NALCN: variants seen among roughly 807,000 people sequenced by gnomAD.
The protein encoded by NALCN is sodium leak channel NALCN.
NALCN carries 111 observed loss-of-function variants against 225.3 expected under a neutral mutation model. The ratio of observed to expected loss-of-function variants is 0.49; its 90% CI spans 0.42 to 0.58. NALCN has a LOEUF of 0.58. Ranked by LOEUF, NALCN falls within the 20% of genes least tolerant of loss-of-function variation. The pLI is 0.00. For synonymous variants in NALCN, 764 were observed against 769.0 expected (o/e 0.99, Z 0.11); for missense variants, 1,378 against 2,202.4 (o/e 0.63, Z 7.49).
intron 6 of NALCN, among the ~76,000 whole-genome samples, chr13:101,369,956 G>T (rs2046491536): frequency 6.6e-6 from 1 of 151,822 alleles, no homozygotes. Context: ...CTATTTTTTA[G>T]CCATTTCTCC....
intron 14 of NALCN, among the ~76,000 whole-genome samples, chr13:101,179,421 C>A (rs1284286020): frequency 1.3e-5 from 2 of 152,040 alleles, no homozygotes; most frequent in Non-Finnish European, 2.9e-5. Context: ...AAATAAATTT[C>A]TTGGTTTTTC....
intron 10 of NALCN, among the ~76,000 whole-genome samples, chr13:101,259,486 A>T (rs1027384464): frequency 1.3e-5 from 2 of 151,482 alleles, no homozygotes; most frequent in African/African-American, 4.8e-5. Flanking sequence ...GGCGCCCGCC[A>T]CCACGTCTGG....
Position 101,104,549 on chromosome 13 carries a change from A to C in NALCN, c.2738T>G (p.Met913Arg), listed in dbSNP as rs373808065. 5.0e-6 allele frequency: 8 copies of C among 1,613,958 alleles called. No homozygotes were observed. In the African/African-American group the frequency reaches 1.1e-4, roughly 22 times the overall value. The change falls in exon 24 of 44, where the codon ATG becomes AGG. Residue 913 changes from methionine to arginine, a missense_variant. Coordinates refer to ENST00000251127, the MANE Select transcript of NALCN (RefSeq NM_052867.4). The surrounding 1 kb of genome is among the most constrained non-coding windows in gnomAD (Gnocchi z 4.2). Reference protein sequence around the residue: ...MMFESPFRRVMHAPTLQIAEY... With the variant: ...MMFESPFRRVRHAPTLQIAEY... ...CGGTACCTGCAAAGTAGGTGCATGCATGACTCTTCGAAACGGGGACTCAAA... is the reference window on the plus strand; with the variant it reads ...CGGTACCTGCAAAGTAGGTGCATGCCTGACTCTTCGAAACGGGGACTCAAA...
intron 22 of NALCN, 126 bp from the exon 23 acceptor site, chr13:101,105,076 T>G (rs181823952): frequency 6.8e-5 from 49 of 722,096 alleles, no homozygotes; most frequent in Admixed American, 5.2e-4. Flanking sequence ...ATGTCCATTA[T>G]AAAATATGTT....
At chr13:101,331,684 C>T (rs935903140) in intron 7 of NALCN, among the ~76,000 whole-genome samples, 1 of 152,078 alleles carries the variant, frequency 6.6e-6, no homozygotes, top group Non-Finnish European at 1.5e-5. Flanking sequence ...AAAGAACAAA[C>T]ACAAAAAACT....
chr13:101,071,541 C>T lies in NALCN; in HGVS notation c.4197+2043G>A, dbSNP rs974890868. Reference sequence around the variant, plus strand: ...TGCTAGCGTCAAACATTTTTTTCTACAGCGTCCTCACCTCTCTCACCCTTC... The same window carrying T: ...TGCTAGCGTCAAACATTTTTTTCTATAGCGTCCTCACCTCTCTCACCCTTC... On this transcript the variant is annotated intron_variant, in intron 37 of 43. Transcript: ENST00000251127. 2.6e-5 allele frequency among the ~76,000 whole-genome samples: 4 copies of T among 152,176 alleles called. No individual in the cohort carries two copies. The South Asian group carries it at 6.2e-4, about 24-fold the overall frequency.
chr13:101,346,087 C>CTCTCTCTCTCTCTCTCTA lies in NALCN; in HGVS notation c.645-668_645-667insTAGAGAGAGAGAGAGAGA. Among the ~76,000 whole-genome samples, 137 of 70,944 alleles carry CTCTCTCTCTCTCTCTCTA rather than the reference C, an allele frequency of 1.9e-3. 2 individuals are homozygous for CTCTCTCTCTCTCTCTCTA. Among genetic ancestry groups the CTCTCTCTCTCTCTCTCTA allele is most frequent in the Admixed American group, 2.7e-3 (14 of 5,110 alleles). The allele number at this position is 70,944 out of a possible 152,430, so 46.5% of individuals were successfully genotyped here. A position where few individuals can be genotyped will look rare whatever the true frequency, so the allele number is the denominator to read the frequency against. ...TCTCTCTCTCTCTCTCTCTCTCTCT[C>CTCTCTCTCTCTCTCTCTA]TATATATATATATATATATATATAT... On this transcript the variant is annotated intron_variant, in intron 6 of 43. Transcript: ENST00000251127.
chr13:101,156,006 A>T (rs1371556005), intron 15 of NALCN, among the ~76,000 whole-genome samples: 2 of 151,988 alleles, frequency 1.3e-5, no homozygotes, highest in African/African-American at 4.8e-5. Flanking sequence ...TTATTTATTT[A>T]TTCAATCATG....
chr13:101,096,506 C>T (rs1358505670), intron 27 of NALCN, among the ~76,000 whole-genome samples: 1 of 152,038 alleles, frequency 6.6e-6, no homozygotes, highest in Non-Finnish European at 1.5e-5. Context: ...ATATAGAAGT[C>T]CAGAACAGTG....
rs1033351109 is a variant in NALCN at position 101,214,747 on chromosome 13, A to G, written c.1626+14646T>C. ...TGTGTCAGAGATAAGGTACAAAGTC[A>G]TGAACCTTTGAAAGGAGGAGACTGC... On this transcript the variant is annotated intron_variant, in intron 13 of 43. Transcript: ENST00000251127. Among the ~76,000 whole-genome samples the G allele has an allele frequency of 3.3e-5, 5 of 152,160 alleles. No homozygotes were observed. The South Asian group carries it at 1.0e-3, about 31-fold the overall frequency.
At chr13:101,383,655 T>C (rs2046909970) in intron 3 of NALCN, among the ~76,000 whole-genome samples, 1 of 152,262 alleles carries the variant, frequency 6.6e-6, no homozygotes, top group South Asian at 2.1e-4. Flanking sequence ...TATTTCTTAA[T>C]GAATGCATCC....
At chr13:101,215,779 T>C (rs545085997) in intron 13 of NALCN, among the ~76,000 whole-genome samples, 163 of 152,266 alleles carry the variant, frequency 1.1e-3, no homozygotes, top group Admixed American at 3.0e-3. Context: ...TATGTATACA[T>C]GTGCCACGTT....
intron 14 of NALCN, among the ~76,000 whole-genome samples, chr13:101,179,983 T>G (rs2039126687): frequency 6.6e-6 from 1 of 152,122 alleles, no homozygotes. Flanking sequence ...CACAAGGCTT[T>G]CTCTCTGTGT....
intron 6 of NALCN, among the ~76,000 whole-genome samples, chr13:101,360,407 A>G (rs1032366734): frequency 6.6e-6 from 1 of 151,840 alleles, no homozygotes; most frequent in Non-Finnish European, 1.5e-5. Context: ...TATTTCTTGT[A>G]TTTTCAGTAG....
intron 13 of NALCN, among the ~76,000 whole-genome samples, chr13:101,201,624 T>C (rs1156344226): frequency 6.6e-6 from 1 of 152,204 alleles, no homozygotes; most frequent in African/African-American, 2.4e-5. Flanking sequence ...AGTTTTTGTG[T>C]AAACATATGT....
chr13:101,165,790 T>G (rs543639695), intron 15 of NALCN, among the ~76,000 whole-genome samples: 68 of 152,332 alleles, frequency 4.5e-4, no homozygotes, highest in African/African-American at 1.6e-3. Flanking sequence ...CTTAACCATT[T>G]TAAGTGTACA....
At chr13:101,208,737 G>A (rs1388941402) in intron 13 of NALCN, among the ~76,000 whole-genome samples, 3 of 152,190 alleles carry the variant, frequency 2.0e-5, no homozygotes, top group African/African-American at 4.8e-5. Context: ...ATTCACAGGA[G>A]ATCTGGTTGT....
At chr13:101,262,270 G>T (rs1192831302) in intron 10 of NALCN, among the ~76,000 whole-genome samples, 3 of 152,008 alleles carry the variant, frequency 2.0e-5, no homozygotes, top group African/African-American at 7.3e-5. Flanking sequence ...AGCTCTATAT[G>T]GTGAGATATA....
chr13:101,294,205 T>C (rs2043653133), intron 7 of NALCN, among the ~76,000 whole-genome samples: 1 of 152,140 alleles, frequency 6.6e-6, no homozygotes. Flanking sequence ...AAAAAGAAAT[T>C]ATTAATGGGT....
Sources: allele counts gnomAD v4.1 joint callset (sites outside exome capture counted in the v4.1 genomes callset), GRCh38; gene constraint gnomAD v4.1.1; non-coding constraint Gnocchi (gnomAD v3.1); transcripts MANE v1.5; gene names NCBI Gene and HGNC (gene_info 2026-07-23, HGNC 2026-07-21).